The following HIF3A variants were observed in gnomAD, a reference collection of about 807,000 sequenced individuals.
HIF3A encodes hypoxia inducible factor 3 subunit alpha.
HIF3A carries 41 observed loss-of-function variants against 67.2 expected under a neutral mutation model. The ratio of observed to expected loss-of-function variants is 0.61; its 90% CI spans 0.48 to 0.79. HIF3A has a LOEUF of 0.79. Among genes scored for constraint, HIF3A ranks in the 30% least tolerant of loss-of-function variants. HIF3A has a pLI of 0.00. For missense variants in HIF3A, 855 were observed against 898.0 expected (o/e 0.95, Z 0.61); for synonymous variants, 356 against 374.8 (o/e 0.95, Z 0.58).
Position 46,339,981 on chromosome 19 carries a change from G to A in HIF3A, c.*359G>A, listed in dbSNP as rs1466886253. On this transcript the variant is annotated 3_prime_UTR_variant, in exon 15 of 15. Transcript: ENST00000377670. ...GAGGAGGGTTGGGGGGGTCATATCT[G>A]TGTTTCCAGGTTCTGGGGAGAACAA... 1.3e-5 allele frequency: 3 copies of A among 226,794 alleles called. No individual in the cohort carries two copies. Among genetic ancestry groups the A allele is most frequent in the Non-Finnish European group, 2.6e-5 (3 of 117,272 alleles). The allele number at this position is 226,794 out of a possible 1,614,324, so 14.0% of individuals were successfully genotyped here.
chr19:46,305,100 C>T, intron 2 of HIF3A, 145 bp from the exon 3 acceptor site: 1 of 1,139,958 alleles, frequency 8.8e-7, no homozygotes, highest in Non-Finnish European at 1.3e-6. Flanking sequence ...GGAATCCAGG[C>T]CACTAGGATG....
At chr19:46,337,602 A>G (rs888182856) in intron 14 of HIF3A, among the ~76,000 whole-genome samples, 2 of 152,108 alleles carry the variant, frequency 1.3e-5, no homozygotes, top group African/African-American at 4.8e-5. Flanking sequence ...TGAAGCAGAG[A>G]GGAGAGAAAG....
At chr19:46,298,422 A>C in intron 1 of HIF3A, 2 of 1,278,430 alleles carry the variant, frequency 1.6e-6, no homozygotes, top group Non-Finnish European at 2.0e-6. Flanking sequence ...CGCCGTGCGC[A>C]CCCACTCGTA....
chr19:46,331,583 C>T (rs892517537), intron 13 of HIF3A: 30 of 171,670 alleles, frequency 1.7e-4, no homozygotes, highest in Non-Finnish European at 1.5e-4. Flanking sequence ...CAGCTGGGCG[C>T]GGTTGCTCAC....
At position 46,297,187 on chromosome 19, in the gene HIF3A, GGTTC is replaced by G; in HGVS notation, c.26+87_26+90del. On this transcript the variant is annotated intron_variant, in intron 1 of 14. Transcript: ENST00000377670. This position sits in a 1 kb window ranked among gnomAD's most constrained non-coding sequence, Gnocchi z 4.5. ...TGAGCTGGATTGTTGGGGGGGGTGG[GGTTC>G]GCGGGTGCGAGCCAAGAACGCCCCG... 1.4e-6 allele frequency: 1 copy of G among 734,642 alleles called. No homozygotes were observed. The highest frequency in any genetic ancestry group is 1.9e-6 in the Non-Finnish European group (1 of 518,252). 45.5% of individuals were successfully genotyped at this position (734,642 alleles called of 1,614,324 possible).
intron 9 of HIF3A, among the ~76,000 whole-genome samples, chr19:46,321,452 C>G (rs537882267): frequency 3.3e-5 from 5 of 152,208 alleles, no homozygotes; most frequent in Non-Finnish European, 5.9e-5. Flanking sequence ...GGTGTGATGG[C>G]GGGCACCTGT....
intron 14 of HIF3A, chr19:46,338,105 C>G (rs1044805855): frequency 3.7e-5 from 16 of 433,446 alleles, no homozygotes; most frequent in Non-Finnish European, 7.4e-5. Flanking sequence ...GAGTGTCGGT[C>G]CCATAAGGGC....
rs571996394 is a variant in HIF3A, at chr19:46,335,479, A to T, written c.1912+493A>T. 2.0e-5 allele frequency among the ~76,000 whole-genome samples: 3 copies of T among 152,194 alleles called. No individual in the cohort carries two copies. The South Asian group carries it at 6.2e-4, about 32-fold the overall frequency. On this transcript the variant is annotated intron_variant, in intron 14 of 14. Coordinates refer to ENST00000377670, the MANE Select transcript of HIF3A (RefSeq NM_152795.4). ...GAGATGAGGTTTCGCCATGTTGGCC[A>T]GGCTGGTCTCGAACTCCTGACCTCA...
At chr19:46,323,928 G>C (rs1352360961) in intron 10 of HIF3A, among the ~76,000 whole-genome samples, 3 of 152,124 alleles carry the variant, frequency 2.0e-5, no homozygotes, top group Admixed American at 6.6e-5. Flanking sequence ...CAGTGTGTGG[G>C]AATTATGGGA....
At chr19:46,307,894 G>A (rs373461614) in intron 3 of HIF3A, among the ~76,000 whole-genome samples, 121 of 151,696 alleles carry the variant, frequency 8.0e-4, no homozygotes, top group Admixed American at 1.2e-3. Context: ...CCACTGCCCC[G>A]CTGCATTCCA....
chr19:46,333,491 T>A (rs750016656), intron 13 of HIF3A, among the ~76,000 whole-genome samples: 9 of 152,052 alleles, frequency 5.9e-5, no homozygotes, highest in Non-Finnish European at 1.2e-4. Context: ...ATAAATACCC[T>A]ACCTGCTGGT....
chr19:46,309,592 T>A (rs1400049975), intron 6 of HIF3A, among the ~76,000 whole-genome samples: 1 of 152,058 alleles, frequency 6.6e-6, no homozygotes, highest in Non-Finnish European at 1.5e-5. Context: ...ACTCCTGGGC[T>A]CAAGCCATCC....
intron 2 of HIF3A, 62 bp from the exon 3 acceptor site, chr19:46,305,183 C>T (rs1478911194): frequency 6.2e-7 from 1 of 1,610,744 alleles, no homozygotes; most frequent in South Asian, 1.1e-5. Context: ...AGCCCAGGGT[C>T]AGTCCATAAT....
intron 10 of HIF3A, among the ~76,000 whole-genome samples, chr19:46,324,222 A>G (rs906889518): frequency 6.6e-6 from 1 of 152,208 alleles, no homozygotes; most frequent in Non-Finnish European, 1.5e-5. Flanking sequence ...AGATAATAAC[A>G]TGTCACCACA....
chr19:46,325,722 A>G, intron 11 of HIF3A, 83 bp downstream of exon 11: 1 of 905,548 alleles, frequency 1.1e-6, no homozygotes, highest in Non-Finnish European at 1.8e-6. Context: ...GGGTAGTGGG[A>G]TGGTTAAAGG....
intron 10 of HIF3A, among the ~76,000 whole-genome samples, chr19:46,322,718 G>A (rs950232014): frequency 9.2e-5 from 14 of 152,156 alleles, no homozygotes; most frequent in Non-Finnish European, 1.8e-4. Context: ...TGGGATTACA[G>A]GTGTGAGCCA....
At chr19:46,331,538 A>AC (rs1971226493) in intron 13 of HIF3A, 1 of 235,466 alleles carries the variant, frequency 4.2e-6, no homozygotes, top group Non-Finnish European at 8.3e-6. Context: ...AAAAAAAAAA[A>AC]AAACTCTGCA....
At position 46,334,960 on chromosome 19, in the gene HIF3A, C is replaced by A. The variant is rs768224285; in HGVS notation, c.1886C>A (p.Pro629Gln). The change falls in exon 14 of 15, where the codon CCA becomes CAA. Residue 629 changes from proline to glutamine, a missense_variant. Physicochemically the swap from Pro to Gln is moderately conservative, Grantham distance 76. This residue lies in a region of HIF3A where 199 missense variants were observed against 193.8 expected (regional missense o/e 1.03). Coordinates refer to ENST00000377670, the MANE Select transcript of HIF3A (RefSeq NM_152795.4). ...GGGAGCCTGCAGGACCCCAGCACCC[C>A]ACTCCTGAACCTGAATGAGCCCCTG... Reference protein sequence around the residue: ...APGSLQDPSTPLLNLNEPLGL... With the variant: ...APGSLQDPSTQLLNLNEPLGL... 2 of 1,607,772 alleles carry A rather than the reference C, an allele frequency of 1.2e-6. No homozygotes were observed. Among genetic ancestry groups the A allele is most frequent in the Admixed American group, 1.7e-5 (1 of 58,878 alleles).
In HIF3A at chr19:46,321,951, C is replaced by A. The variant is rs552993808; in HGVS notation, c.1320C>A (p.Pro440=). ...TPSTPLATRH[P]QSPLSADLPD... ...GCACCCCGCTGGCCACACGGCACCC[C>A]CAAAGTCCTCTTTCGGTAAGCCATC... The change falls in exon 10 of 15, where the codon CCC becomes CCA. Residue 440 remains proline (P), a synonymous_variant. Coordinates refer to ENST00000377670, the MANE Select transcript of HIF3A (RefSeq NM_152795.4). 6.2e-7 allele frequency: 1 copy of A among 1,613,874 alleles called. No individual in the cohort carries two copies. The highest frequency in any genetic ancestry group is 8.5e-7 in the Non-Finnish European group (1 of 1,179,950).
Sources: gnomAD v4.1 joint callset for allele counts (sites outside exome capture counted in the v4.1 genomes callset) on GRCh38, gnomAD v4.1.1 for gene constraint, gnomAD v4.1.1 regional missense constraint, Gnocchi (gnomAD v3.1) non-coding constraint, MANE v1.5 for transcripts, NCBI Gene and HGNC (gene_info 2026-07-23, HGNC 2026-07-21) for gene names.